The following CPVL variants were observed in gnomAD, a reference collection of about 807,000 sequenced individuals.
CPVL encodes probable serine carboxypeptidase CPVL.
A neutral mutation model predicts 63.7 loss-of-function variants in CPVL; 51 were observed. The ratio of observed to expected loss-of-function variants is 0.80; its 90% CI spans 0.64 to 1.01. CPVL has a LOEUF of 1.01. CPVL is among the 50% of genes least tolerant of loss of function. The probability of loss-of-function intolerance (pLI) is 0.00; values close to 1 mark genes in which losing one functional copy is unlikely to be tolerated. For missense variants in CPVL, 530 were observed against 573.1 expected, an observed-to-expected ratio of 0.92 and a Z score of 0.77; for synonymous variants, 195 against 206.0, an observed-to-expected ratio of 0.95 and a Z score of 0.46.
chr7:29,006,518 T>C lies in CPVL; in HGVS notation c.1321-10636A>G, dbSNP rs1316847756. Among the ~76,000 whole-genome samples the C allele has an allele frequency of 2.6e-5, 4 of 152,280 alleles. No homozygotes were observed. The East Asian group carries it at 5.8e-4, about 22-fold the overall frequency. ...CACTGAGTTCTAGTATAAGTGACAA[T>C]GATAGAATTTCAAGACCATGCTACA... On this transcript the variant is annotated intron_variant, in intron 12 of 12. Transcript: ENST00000265394.
At chr7:29,130,369 C>CA (rs1790559517) in intron 1 of CPVL, among the ~76,000 whole-genome samples, 1 of 152,106 alleles carries the variant, frequency 6.6e-6, no homozygotes, top group South Asian at 2.1e-4. Context: ...TATGGAATAC[C>CA]AATTCTGTAT....
intron 2 of CPVL, among the ~76,000 whole-genome samples, chr7:29,113,142 T>C (rs574094297): frequency 3.7e-4 from 56 of 152,112 alleles, no homozygotes; most frequent in African/African-American, 1.3e-3. Context: ...ACACCTTGCA[T>C]AAACCAAGGT....
Position 29,172,938 on chromosome 7 carries a change from G to A in CPVL, c.-11+8352C>T, listed in dbSNP as rs145979158. On this transcript the variant is annotated intron_variant, in intron 5 of 16. Coordinates refer to the CPVL transcript ENST00000409850. ...CTGAGGTTAGGAGTTTGAGACCAGC[G>A]TGGCCAGTATGGCAAAAACCTGTTT... is the stretch of plus-strand genomic sequence containing the variant. Among the ~76,000 whole-genome samples, 220 of 151,958 alleles carry A rather than the reference G, an allele frequency of 1.4e-3. 2 individuals are homozygous for A. Among genetic ancestry groups the A allele is most frequent in the African/African-American group, 5.1e-3 (210 of 41,452 alleles).
chr7:29,150,895 G>A (rs1793501500), upstream of CPVL, among the ~76,000 whole-genome samples: 1 of 152,176 alleles, frequency 6.6e-6, no homozygotes, highest in South Asian at 2.1e-4. Context: ...CTTTTCTTAA[G>A]GAACGAAGCC....
chr7:29,151,771 T>G lies in CPVL; in HGVS notation c.-11+29519A>C, dbSNP rs1210187713. Among the ~76,000 whole-genome samples, 3 of 152,176 alleles carry G rather than the reference T, an allele frequency of 2.0e-5. 1 individual carries two copies. The highest frequency in any genetic ancestry group is 7.2e-5 in the African/African-American group (3 of 41,440). On this transcript the variant is annotated intron_variant, in intron 5 of 16. Coordinates refer to the CPVL transcript ENST00000409850. ...GACCTTTGCTGTGTTAATTAACCTC[T>G]CTAAGCCTTAGCCTTCTCATGTATG...
intron 12 of CPVL, among the ~76,000 whole-genome samples, chr7:29,014,780 A>AT (rs1042740771): frequency 1.3e-5 from 2 of 152,284 alleles, no homozygotes; most frequent in Non-Finnish European, 1.5e-5. Flanking sequence ...CAAAAGTGAC[A>AT]TTTTTTTGCT....
intron 12 of CPVL, among the ~76,000 whole-genome samples, chr7:28,998,085 T>G (rs572725106): frequency 6.6e-6 from 1 of 152,266 alleles, no homozygotes; most frequent in South Asian, 2.1e-4. Context: ...CAAGAACCCC[T>G]TCATAGGACT....
At chr7:29,164,012 T>C (rs1166054981) in intron 5 of CPVL, among the ~76,000 whole-genome samples, 1 of 152,252 alleles carries the variant, frequency 6.6e-6, no homozygotes, top group Admixed American at 6.5e-5. Context: ...ACATATGCTT[T>C]CGTTTCTCTT....
chr7:29,179,141 C>T (rs1211382727), intron 5 of CPVL, among the ~76,000 whole-genome samples: 1 of 152,178 alleles, frequency 6.6e-6, no homozygotes, highest in East Asian at 1.9e-4. Context: ...AACAGCCCCT[C>T]CATTTTCTTT....
At chr7:29,090,598 A>G (rs1785670203) in intron 6 of CPVL, among the ~76,000 whole-genome samples, 2 of 152,362 alleles carry the variant, frequency 1.3e-5, no homozygotes, top group Non-Finnish European at 1.5e-5. Flanking sequence ...ACCAGCACCA[A>G]GAACAGCAGC....
chr7:29,185,826 G>A (rs1798641437), intron 2 of CPVL, among the ~76,000 whole-genome samples: 1 of 152,136 alleles, frequency 6.6e-6, no homozygotes, highest in African/African-American at 2.4e-5. Context: ...GCCCCTGGAT[G>A]TGAATCTGCA....
At chr7:29,032,548 TG>T (rs1482950479) in intron 11 of CPVL, among the ~76,000 whole-genome samples, 1 of 152,216 alleles carries the variant, frequency 6.6e-6, no homozygotes, top group Non-Finnish European at 1.5e-5. Flanking sequence ...GCCAACAGTA[TG>T]GAAACAATTA....
At chr7:29,104,407 C>A (rs1787518748) in intron 3 of CPVL, among the ~76,000 whole-genome samples, 2 of 152,110 alleles carry the variant, frequency 1.3e-5, no homozygotes, top group South Asian at 4.1e-4. Flanking sequence ...ATTACAGGTA[C>A]CTGCCACAGC....
chr7:29,084,922 C>T (rs1301054060), intron 7 of CPVL, among the ~76,000 whole-genome samples: 1 of 152,056 alleles, frequency 6.6e-6, no homozygotes, highest in African/African-American at 2.4e-5. Context: ...ATTGTAAAAG[C>T]AATCAAAAGA....
intron 12 of CPVL, among the ~76,000 whole-genome samples, chr7:29,013,808 G>A (rs970752271): frequency 3.3e-5 from 5 of 152,222 alleles, no homozygotes; most frequent in Non-Finnish European, 7.3e-5. Flanking sequence ...TGCCTCAGCT[G>A]CAAAGAGCTG....
At chr7:29,146,742 T>A, upstream of CPVL, 1 of 1,550,448 alleles carries the variant, frequency 6.4e-7, no homozygotes, top group Non-Finnish European at 8.7e-7. Context: ...GGGGTGCCAT[T>A]CAGGTTGGTT....
intron 12 of CPVL, among the ~76,000 whole-genome samples, chr7:29,019,017 G>C (rs1329016579): frequency 6.6e-6 from 1 of 151,658 alleles, no homozygotes; most frequent in African/African-American, 2.4e-5. Flanking sequence ...TCAGTGGCTA[G>C]AGATAGGTAT....
At chr7:29,065,155 CTG>C (rs1783027015) in intron 10 of CPVL, among the ~76,000 whole-genome samples, 1 of 151,592 alleles carries the variant, frequency 6.6e-6, no homozygotes, top group Admixed American at 6.6e-5. Flanking sequence ...ATTAAAAAAA[CTG>C]TTAAAGTTTG....
At chr7:29,070,657 A>G (rs1267218566) in intron 9 of CPVL, among the ~76,000 whole-genome samples, 4 of 152,196 alleles carry the variant, frequency 2.6e-5, no homozygotes, top group African/African-American at 9.6e-5. Context: ...GACACAGAGA[A>G]AGGAGAGCCT....
Sources: gnomAD v4.1 joint callset for allele counts (sites outside exome capture counted in the v4.1 genomes callset) on GRCh38, gnomAD v4.1.1 for gene constraint, MANE v1.5 for transcripts, NCBI Gene and HGNC (gene_info 2026-07-23, HGNC 2026-07-21) for gene names.